EIF3L: variants seen among roughly 807,000 people sequenced by gnomAD.
EIF3L encodes the protein eIEF associated protein HSPC021.
A neutral mutation model predicts 74.6 loss-of-function variants in EIF3L; 32 were observed. That is an observed-to-expected ratio of 0.43 (90% CI 0.32 to 0.58). EIF3L has a LOEUF of 0.58. Among genes scored for constraint, EIF3L ranks in the 20% least tolerant of loss-of-function variants. The probability of loss-of-function intolerance (pLI) is 0.06; values close to 1 mark genes in which losing one functional copy is unlikely to be tolerated. For synonymous variants in EIF3L, 256 were observed against 254.4 expected, an observed-to-expected ratio of 1.01 and a Z score of -0.06; for missense variants, 474 against 707.8, an observed-to-expected ratio of 0.67 and a Z score of 3.75.
intron 3 of EIF3L, among the ~76,000 whole-genome samples, chr22:37,852,458 G>A (rs912554910): frequency 2.6e-5 from 4 of 152,158 alleles, no homozygotes; most frequent in Admixed American, 2.0e-4. Flanking sequence ...AGGGGCTGCC[G>A]TTGTGTAATG....
At chr22:37,882,408 T>A (rs375017317) in intron 11 of EIF3L, 1 of 152,270 alleles carries the variant, frequency 6.6e-6, no homozygotes, top group East Asian at 1.9e-4. Flanking sequence ...GTGCAGTGGC[T>A]CATACCTGTA....
intron 11 of EIF3L, 157 bp downstream of exon 11, chr22:37,878,328 A>T: frequency 1.1e-6 from 1 of 904,064 alleles, no homozygotes; most frequent in Non-Finnish European, 1.6e-6. Context: ...CAGTAATACT[A>T]GTACTTTAGG....
chr22:37,851,034 G>T (rs941047827), intron 2 of EIF3L, among the ~76,000 whole-genome samples: 7 of 152,162 alleles, frequency 4.6e-5, no homozygotes, highest in African/African-American at 1.7e-4. Flanking sequence ...CGAGATTCCT[G>T]ACTTCCTAGA....
intron 9 of EIF3L, among the ~76,000 whole-genome samples, chr22:37,875,395 TAAGTA>T (rs753094606): frequency 1.6e-3 from 240 of 151,864 alleles, no homozygotes; most frequent in Admixed American, 3.0e-3. Context: ...AAAAAAGAAT[TAAGTA>T]AAGATGTAAT....
intron 3 of EIF3L, 103 bp downstream of exon 3, chr22:37,851,593 G>C (rs370409428): frequency 1.4e-6 from 1 of 695,318 alleles, no homozygotes. Flanking sequence ...CTTTCGGGGG[G>C]GTTGGGGGGT....
intron 3 of EIF3L, 87 bp from the exon 4 acceptor site, chr22:37,855,478 C>A: frequency 8.0e-7 from 1 of 1,249,256 alleles, no homozygotes; most frequent in Non-Finnish European, 1.2e-6. Flanking sequence ...CTTCCCCTTT[C>A]TAAGCCTGGG....
chr22:37,873,526 C>T (rs1172991499), intron 8 of EIF3L, among the ~76,000 whole-genome samples: 1 of 152,108 alleles, frequency 6.6e-6, no homozygotes, highest in Non-Finnish European at 1.5e-5. Context: ...ATCTCCTGAC[C>T]TCGTGATCTG....
chr22:37,883,296 C>CA (rs111310614), intron 11 of EIF3L: 2,415 of 37,804 alleles, frequency 0.064, 123 homozygotes, highest in African/African-American at 0.17. Flanking sequence ...AACTCCGTCT[C>CA]AAAAAAAAAA....
chr22:37,854,165 G>A (rs1405376485), intron 3 of EIF3L, among the ~76,000 whole-genome samples: 1 of 152,122 alleles, frequency 6.6e-6, no homozygotes, highest in Non-Finnish European at 1.5e-5. Context: ...TAGTAAAGGA[G>A]GCAGAAAGAA....
At chr22:37,850,685 G>A (rs1371109221) in intron 2 of EIF3L, 1 of 162,042 alleles carries the variant, frequency 6.2e-6, no homozygotes, top group Non-Finnish European at 1.4e-5. Flanking sequence ...TTCAAACCAA[G>A]CCCGAATGAA....
chr22:37,870,686 G>A (rs1002931789), intron 8 of EIF3L, among the ~76,000 whole-genome samples: 1 of 151,992 alleles, frequency 6.6e-6, no homozygotes, highest in African/African-American at 2.4e-5. Flanking sequence ...ACCACAAAAT[G>A]TATCTATTTT....
At chr22:37,870,958 CA>C (rs966701195) in intron 8 of EIF3L, among the ~76,000 whole-genome samples, 67 of 151,450 alleles carry the variant, frequency 4.4e-4, no homozygotes, top group African/African-American at 1.6e-3. Context: ...GACTTTGTCT[CA>C]AAAAAAATGT....
chr22:37,851,181 A>T, intron 2 of EIF3L, 99 bp from the exon 3 acceptor site: 1 of 908,006 alleles, frequency 1.1e-6, no homozygotes, highest in Non-Finnish European at 1.7e-6. Flanking sequence ...AGGGAATTTT[A>T]CGCAGACCTG....
chr22:37,850,247 C>G (rs924725959), intron 2 of EIF3L, among the ~76,000 whole-genome samples, 184 bp downstream of exon 2: 1 of 152,144 alleles, frequency 6.6e-6, no homozygotes, highest in Non-Finnish European at 1.5e-5. Context: ...CATAGTCCAC[C>G]TCAGTCTTGG....
At chr22:37,878,477 T>A (rs1926875254) in intron 11 of EIF3L, 1 of 215,550 alleles carries the variant, frequency 4.6e-6, no homozygotes. Flanking sequence ...TTGGTTTTTT[T>A]TTTGAGATGG....
At chr22:37,876,295 ATTTTTTT>A (rs146250173) in intron 10 of EIF3L, 103 of 110,440 alleles carry the variant, frequency 9.3e-4, no homozygotes, top group African/African-American at 3.4e-3. Flanking sequence ...ACACCGGCTA[ATTTTTTT>A]TTTTTTTTTT....
rs117415598 is a variant in EIF3L at position 37,859,854 on chromosome 22, C to G, written c.435+1114C>G. On this transcript the variant is annotated intron_variant, in intron 5 of 12. Coordinates refer to ENST00000652021, the MANE Select transcript of EIF3L (RefSeq NM_016091.4). ...CCTCGTCTCTATTAAAAATATGAAA[C>G]TACAAAAATAAGCTGGGCGTGGTGG... 1.1e-3 allele frequency among the ~76,000 whole-genome samples: 165 copies of G among 151,980 alleles called. 2 individuals are homozygous for G. The East Asian group carries it at 0.027, about 25-fold the overall frequency.
At chr22:37,883,445 G>T (rs886110321) in intron 11 of EIF3L, 2 of 151,678 alleles carry the variant, frequency 1.3e-5, no homozygotes, top group African/African-American at 4.9e-5. Context: ...ACCGGGCATG[G>T]TGGTGGGCGC....
chr22:37,860,760 T>C (rs1925813104), intron 5 of EIF3L, among the ~76,000 whole-genome samples: 1 of 152,230 alleles, frequency 6.6e-6, no homozygotes, highest in African/African-American at 2.4e-5. Flanking sequence ...CCTGAATTAC[T>C]GCAGGAGCTG....
Sources: gnomAD v4.1 joint callset for allele counts (sites outside exome capture counted in the v4.1 genomes callset) on GRCh38, gnomAD v4.1.1 for gene constraint, MANE v1.5 for transcripts, NCBI Gene and HGNC (gene_info 2026-07-23, HGNC 2026-07-21) for gene names.